Variants in XPR1 observed in about 807,000 individuals in gnomAD.
XPR1 encodes the protein solute carrier family 53 member 1.
Under a neutral mutation model 87.5 loss-of-function variants are expected in XPR1, and 28 were observed. The observed-to-expected ratio is 0.32, with a 90% CI of 0.24 to 0.44. The LOEUF (loss-of-function observed/expected upper bound fraction) is 0.44. Among genes scored for constraint, XPR1 ranks in the 20% least tolerant of loss-of-function variants. XPR1 has a pLI of 1.00. For missense variants in XPR1, 559 were observed against 862.3 expected (o/e 0.65, Z 4.41); for synonymous variants, 300 against 306.1 (o/e 0.98, Z 0.21).
At chr1:180,788,502 A>T (rs1375518826) in intron 3 of XPR1, among the ~76,000 whole-genome samples, 1 of 152,166 alleles carries the variant, frequency 6.6e-6, no homozygotes, top group East Asian at 1.9e-4. Flanking sequence ...TTTCATGAGT[A>T]CAGAATCTGA....
chr1:180,708,946 C>G (rs867296614), intron 2 of XPR1, among the ~76,000 whole-genome samples: 5 of 129,686 alleles, frequency 3.9e-5, no homozygotes, highest in South Asian at 5.3e-4. Flanking sequence ...AAGTCTCGCT[C>G]TGTCGCCCAG....
At chr1:180,703,032 T>C (rs935130893) in intron 2 of XPR1, among the ~76,000 whole-genome samples, 3 of 152,172 alleles carry the variant, frequency 2.0e-5, no homozygotes, top group African/African-American at 7.2e-5. Flanking sequence ...AGTTTCTGAA[T>C]TATTTATGTA....
At chr1:180,694,213 C>T (rs903778125) in intron 2 of XPR1, among the ~76,000 whole-genome samples, 45 of 152,292 alleles carry the variant, frequency 3.0e-4, no homozygotes, top group Non-Finnish European at 5.9e-4. Context: ...TCTTGCCTGG[C>T]CTCCCAAAGT....
chr1:180,771,105 A>G (rs1648496727), intron 2 of XPR1, among the ~76,000 whole-genome samples: 2 of 152,144 alleles, frequency 1.3e-5, no homozygotes, highest in Admixed American at 6.5e-5. Context: ...CTCCTTCATC[A>G]CTATATCCTT....
At chr1:180,837,186 G>A (rs1419095291) in intron 11 of XPR1, among the ~76,000 whole-genome samples, 4 of 152,142 alleles carry the variant, frequency 2.6e-5, no homozygotes, top group South Asian at 2.1e-4. Context: ...TCATCTCCAT[G>A]GCAACGTATT....
intron 11 of XPR1, among the ~76,000 whole-genome samples, chr1:180,855,938 G>T (rs935181790): frequency 3.9e-5 from 6 of 152,036 alleles, no homozygotes; most frequent in Non-Finnish European, 7.4e-5. Context: ...CTTGTCCCAG[G>T]ATCTAGCTCT....
chr1:180,679,039 C>A (rs192881425), intron 1 of XPR1, among the ~76,000 whole-genome samples: 2 of 151,734 alleles, frequency 1.3e-5, no homozygotes, highest in East Asian at 3.9e-4. Flanking sequence ...ACTAAAAATA[C>A]AAAAAATTAG....
intron 3 of XPR1, among the ~76,000 whole-genome samples, chr1:180,792,827 C>A (rs921354988): frequency 5.9e-5 from 9 of 151,778 alleles, no homozygotes; most frequent in African/African-American, 2.2e-4. Context: ...TCCAACTGAT[C>A]ACTTTTTTCA....
chr1:180,759,082 C>T (rs1424372626), intron 2 of XPR1, among the ~76,000 whole-genome samples: 2 of 152,072 alleles, frequency 1.3e-5, no homozygotes, highest in Non-Finnish European at 2.9e-5. Context: ...AACAAAGACA[C>T]AACATACCAG....
At chr1:180,688,746 A>ATATT (rs575278786) in intron 2 of XPR1, among the ~76,000 whole-genome samples, 43 of 152,182 alleles carry the variant, frequency 2.8e-4, no homozygotes, top group Non-Finnish European at 6.0e-4. Flanking sequence ...ACTGTGGAAA[A>ATATT]TATAAAGTGA....
intron 2 of XPR1, among the ~76,000 whole-genome samples, chr1:180,745,762 T>G (rs1012715687): frequency 5.9e-5 from 9 of 152,238 alleles, no homozygotes; most frequent in African/African-American, 1.9e-4. Flanking sequence ...GTAAACTGAC[T>G]GCTGGTTTGG....
At chr1:180,807,868 G>A (rs144456677) in intron 6 of XPR1, among the ~76,000 whole-genome samples, 388 of 152,186 alleles carry the variant, frequency 2.5e-3, no homozygotes, top group Non-Finnish European at 3.1e-3. Context: ...GCTGGGCTTC[G>A]TGGCACATGC....
chr1:180,724,502 A>G (rs779845625), intron 2 of XPR1, among the ~76,000 whole-genome samples: 12 of 152,212 alleles, frequency 7.9e-5, no homozygotes, highest in Non-Finnish European at 1.8e-4. Flanking sequence ...TACAGAGGCA[A>G]AAGTGCCTGG....
Position 180,656,562 on chromosome 1 carries a change from A to T in XPR1, c.69+24292A>T, listed in dbSNP as rs1285106671. On this transcript the variant is annotated intron_variant, in intron 1 of 14. Coordinates refer to ENST00000367590, the MANE Select transcript of XPR1 (RefSeq NM_004736.4). Reference sequence around the variant, plus strand: ...TAATATTTATATATTTATATGTATAATATATATTTTATATATGTATGTATA... The same window carrying T: ...TAATATTTATATATTTATATGTATATTATATATTTTATATATGTATGTATA... 1.8e-3 allele frequency among the ~76,000 whole-genome samples: 85 copies of T among 48,444 alleles called. 1 individual carries two copies. Among genetic ancestry groups the T allele is most frequent in the African/African-American group, 2.2e-3 (31 of 14,390 alleles). The allele number at this position is 48,444 out of a possible 152,430, so 31.8% of individuals were successfully genotyped here.
At chr1:180,793,431 C>A (rs1165976725) in intron 3 of XPR1, among the ~76,000 whole-genome samples, 3 of 151,918 alleles carry the variant, frequency 2.0e-5, no homozygotes, top group African/African-American at 7.3e-5. Context: ...ACAAATGATA[C>A]ATGTGTCTAG....
At chr1:180,822,664 C>T (rs1650680009) in intron 7 of XPR1, among the ~76,000 whole-genome samples, 1 of 152,152 alleles carries the variant, frequency 6.6e-6, no homozygotes, top group Non-Finnish European at 1.5e-5. Flanking sequence ...ATACTGAATA[C>T]TCATAATGAG....
intron 2 of XPR1, among the ~76,000 whole-genome samples, chr1:180,716,657 TTC>T (rs1368163053): frequency 4.6e-5 from 7 of 152,204 alleles, no homozygotes; most frequent in Non-Finnish European, 8.8e-5. Context: ...GGTTCTAAAC[TTC>T]ACACCTGATT....
rs190282518 is a variant in XPR1 at position 180,646,482 on chromosome 1, C to T, written c.69+14212C>T. Among the ~76,000 whole-genome samples, 608 of 152,080 alleles carry T rather than the reference C, an allele frequency of 4.0e-3. 3 individuals carry two copies. Among genetic ancestry groups the T allele is most frequent in the African/African-American group, 0.014 (569 of 41,466 alleles). On this transcript the variant is annotated intron_variant, in intron 1 of 14. Transcript: ENST00000367590. ...TGAAGTAGTTTTGAAGGTTTCATGGCTTTCTTGGATAGCTGGTCGCCACAT... is the reference window on the plus strand; with the variant it reads ...TGAAGTAGTTTTGAAGGTTTCATGGTTTTCTTGGATAGCTGGTCGCCACAT...
intron 2 of XPR1, 75 bp downstream of exon 2, chr1:180,682,486 T>C (rs1571718381): frequency 2.7e-6 from 3 of 1,122,452 alleles, no homozygotes; most frequent in African/African-American, 3.2e-5. Flanking sequence ...CTGCAGAGTA[T>C]AAAACTAATA....
Sources: allele counts gnomAD v4.1 joint callset (sites outside exome capture counted in the v4.1 genomes callset), GRCh38; gene constraint gnomAD v4.1.1; transcripts MANE v1.5; gene names NCBI Gene and HGNC (gene_info 2026-07-23, HGNC 2026-07-21).